Variants in SLCO1C1 observed in about 807,000 individuals in gnomAD.
SLCO1C1 encodes solute carrier organic anion transporter family member 1C1, also known as OAT-RP-5.
SLCO1C1 carries 70 observed loss-of-function variants against 76.4 expected under a neutral mutation model. The observed-to-expected ratio is 0.92, with a 90% CI of 0.76 to 1.12. The LOEUF (loss-of-function observed/expected upper bound fraction) is 1.12, where lower values mean the gene tolerates loss of function less well. SLCO1C1 is among the 50% of genes most tolerant of loss of function. The pLI, the probability that SLCO1C1 is intolerant of heterozygous loss-of-function variation, is 0.00. For missense variants in SLCO1C1, 912 were observed against 823.8 expected (o/e 1.11, Z -1.31); for synonymous variants, 306 against 286.1 (o/e 1.07, Z -0.70).
intron 14 of SLCO1C1, among the ~76,000 whole-genome samples, chr12:20,752,013 G>A (rs567239861): frequency 1.3e-5 from 2 of 152,126 alleles, no homozygotes; most frequent in South Asian, 4.2e-4. Context: ...GCATAAACTG[G>A]GGCTGTTCTA....
In SLCO1C1 at chr12:20,717,191, T is replaced by C. The variant is rs1411562264; in HGVS notation, c.736T>C (p.Cys246Arg). 2 of 1,599,888 alleles carry C rather than the reference T, an allele frequency of 1.3e-6. No homozygotes were observed. The highest frequency in any genetic ancestry group is 4.5e-5 in the East Asian group (2 of 44,214). ...PIFGFLLGSLCAKLYVDIGFV... is the reference protein window; with the variant it reads ...PIFGFLLGSLRAKLYVDIGFV... Reference sequence around the variant, plus strand: ...CTTTGGTTTCCTGTTAGGCTCATTATGTGCCAAACTATATGTTGACATTGG... The same window carrying C: ...CTTTGGTTTCCTGTTAGGCTCATTACGTGCCAAACTATATGTTGACATTGG... The change falls in exon 7 of 15, where the codon TGT (cysteine) becomes CGT (arginine). Residue 246 changes from cysteine (C) to arginine (R), a missense_variant. Cys to Arg is a radical substitution (Grantham distance 180). Transcript: ENST00000266509.
chr12:20,733,058 G>A lies in SLCO1C1; in HGVS notation c.1336G>A (p.Gly446Ser), dbSNP rs1386959970. The A allele has an allele frequency of 3.7e-6, 6 of 1,608,206 alleles. No individual in the cohort carries two copies. The highest frequency in any genetic ancestry group is 5.1e-6 in the Non-Finnish European group (6 of 1,177,814). ...CCTATTTCTTTCCCTGTTTGCACTG[G>A]GCTGTGAAAATTCTGATGTGGCAGG... is the stretch of plus-strand genomic sequence containing the variant. ...YLLFLSLFAL[G>S]CENSDVAGLT... is the part of the protein sequence containing the mutation. The change falls in exon 10 of 15, where the codon GGC becomes AGC. Residue 446 changes from glycine to serine, a missense_variant. Transcript: ENST00000266509.
intron 4 of SLCO1C1, 75 bp downstream of exon 4, chr12:20,706,156 T>C (rs1946764665): frequency 2.7e-6 from 4 of 1,489,318 alleles, no homozygotes; most frequent in Non-Finnish European, 3.6e-6. Context: ...GATTATTAAT[T>C]ATGCAAATTT....
chr12:20,699,804 A>G, intron 2 of SLCO1C1, 99 bp downstream of exon 2: 1 of 1,000,876 alleles, frequency 1.0e-6, no homozygotes, highest in Non-Finnish European at 1.3e-6. Context: ...TTCTCCTTTA[A>G]AAAAAAAAAA....
intron 13 of SLCO1C1, among the ~76,000 whole-genome samples, chr12:20,746,163 C>T (rs1045045040): frequency 1.4e-4 from 22 of 151,998 alleles, no homozygotes; most frequent in African/African-American, 5.3e-4. Context: ...GGGAACAGAA[C>T]CAATTTGAGG....
chr12:20,745,698 GC>G (rs1949013968), intron 13 of SLCO1C1, among the ~76,000 whole-genome samples: 1 of 151,900 alleles, frequency 6.6e-6, no homozygotes, highest in Admixed American at 6.6e-5. Context: ...GCTGGTGTGT[GC>G]CTGTAATCCC....
intron 9 of SLCO1C1, among the ~76,000 whole-genome samples, chr12:20,729,694 C>A (rs1250722185): frequency 2.6e-5 from 4 of 151,320 alleles, no homozygotes; most frequent in African/African-American, 9.7e-5. Context: ...GGAGAACAAA[C>A]CTAATCTTGG....
At chr12:20,726,047 C>T (rs1017842239) in intron 9 of SLCO1C1, among the ~76,000 whole-genome samples, 4 of 151,908 alleles carry the variant, frequency 2.6e-5, no homozygotes, top group African/African-American at 9.7e-5. Flanking sequence ...GGGGTGCAGC[C>T]GACTAAGCGT....
At chr12:20,696,278 G>T (rs1946261363) in intron 1 of SLCO1C1, among the ~76,000 whole-genome samples, 2 of 152,108 alleles carry the variant, frequency 1.3e-5, no homozygotes, top group South Asian at 4.1e-4. Flanking sequence ...CTGAAGGGAG[G>T]CATCCTGGTG....
chr12:20,710,850 G>A (rs778358436), intron 4 of SLCO1C1, among the ~76,000 whole-genome samples: 2 of 152,052 alleles, frequency 1.3e-5, no homozygotes, highest in African/African-American at 2.4e-5. Flanking sequence ...TTATCAAGTT[G>A]AATACTTTTT....
Position 20,752,532 on chromosome 12 carries a change from C to A in SLCO1C1, c.*4C>A. On this transcript the variant is annotated 3_prime_UTR_variant, in exon 15 of 15. Transcript: ENST00000266509. ...AGGCAAGGAAACTCAACTTTAGAAA[C>A]ATGATGACTGGAAGTCATGTCTTCT... 1 of 1,571,888 alleles carries A rather than the reference C, an allele frequency of 6.4e-7. No individual in the cohort carries two copies. Among genetic ancestry groups the A allele is most frequent in the Non-Finnish European group, 8.6e-7 (1 of 1,158,254 alleles).
intron 3 of SLCO1C1, among the ~76,000 whole-genome samples, chr12:20,702,649 G>A (rs958879141): frequency 6.6e-6 from 1 of 151,756 alleles, no homozygotes; most frequent in Non-Finnish European, 1.5e-5. Context: ...TGGCCCGGAT[G>A]GTTGATTTAT....
intron 1 of SLCO1C1, chr12:20,697,448 ACT>A (rs1592208822): frequency 6.6e-6 from 1 of 151,938 alleles, no homozygotes; most frequent in Admixed American, 6.6e-5. Context: ...ACATTGTATA[ACT>A]CTGCATTTCC....
At chr12:20,722,905 C>A (rs1055028179) in intron 8 of SLCO1C1, among the ~76,000 whole-genome samples, 185 bp from the exon 9 acceptor site, 1 of 152,170 alleles carries the variant, frequency 6.6e-6, no homozygotes. Flanking sequence ...TCGAACCTGG[C>A]CAGATCGCAG....
rs376749742 is a variant in SLCO1C1 at position 20,743,761 on chromosome 12, T to G, written c.1798+392T>G. Among the ~76,000 whole-genome samples the G allele has an allele frequency of 3.9e-4, 60 of 152,166 alleles. 2 individuals carry two copies. The East Asian group carries it at 5.2e-3, about 13-fold the overall frequency. The stretch of plus-strand genomic sequence containing the variant: ...TTTCAGTTATTAAAATGGAAAGAAT[T>G]CCTTTGAGTTACTCTCAATGCTTAT... On this transcript the variant is annotated intron_variant, in intron 13 of 14. Transcript: ENST00000266509.
intron 11 of SLCO1C1, among the ~76,000 whole-genome samples, chr12:20,738,801 T>C (rs1052928946): frequency 2.0e-5 from 3 of 152,138 alleles, no homozygotes; most frequent in Non-Finnish European, 4.4e-5. Context: ...TTTGCATTAT[T>C]TTCAGTATTT....
At position 20,750,725 on chromosome 12, in the gene SLCO1C1, C is replaced by T. The variant is rs776030840; in HGVS notation, c.1849C>T (p.Leu617Phe). ...YFGVLIDTSCLKWGFKRCGSR... is the reference protein window; with the variant it reads ...YFGVLIDTSCFKWGFKRCGSR... The stretch of plus-strand genomic sequence containing the variant: ...TGGAGTTTTGATTGATACTTCATGC[C>T]TCAAATGGGGATTTAAAAGATGTGG... Residue 617 changes from leucine to phenylalanine, a missense_variant, in exon 14 of 15, where the codon CTC becomes TTC. By Grantham distance (22) the Leu-to-Phe change is conservative. Coordinates refer to ENST00000266509, the MANE Select transcript of SLCO1C1 (RefSeq NM_017435.5). 1.9e-6 allele frequency: 3 copies of T among 1,613,972 alleles called. No individual in the cohort carries two copies. The highest frequency in any genetic ancestry group is 3.3e-5 in the Admixed American group (2 of 60,012).
chr12:20,719,950 C>A (rs1947575349), intron 7 of SLCO1C1, among the ~76,000 whole-genome samples: 1 of 152,164 alleles, frequency 6.6e-6, no homozygotes. Context: ...ACCTTCACAG[C>A]CATAGAGGAG....
intron 11 of SLCO1C1, among the ~76,000 whole-genome samples, chr12:20,738,336 A>G (rs1267232627): frequency 1.3e-5 from 2 of 152,082 alleles, no homozygotes; most frequent in East Asian, 3.9e-4. Context: ...GCTCTCTGAG[A>G]CTGCTTTCTA....
Sources: allele counts gnomAD v4.1 joint callset (sites outside exome capture counted in the v4.1 genomes callset), GRCh38; gene constraint gnomAD v4.1.1; transcripts MANE v1.5; gene names NCBI Gene and HGNC (gene_info 2026-07-23, HGNC 2026-07-21).